XYLT1: variants seen among roughly 807,000 people sequenced by gnomAD.
XYLT1 encodes the protein xylosyltransferase 1, also known as beta-D-xylosyltransferase 1.
Under a neutral mutation model 91.3 loss-of-function variants are expected in XYLT1, and 36 were observed. The observed-to-expected ratio is 0.39, with a 90% CI of 0.30 to 0.52. The LOEUF (loss-of-function observed/expected upper bound fraction) is 0.52, where lower values mean the gene tolerates loss of function less well. Among genes scored for constraint, XYLT1 ranks in the 20% least tolerant of loss-of-function variants. XYLT1 has a pLI of 0.68. For missense variants in XYLT1, 1,242 were observed against 1,284.5 expected (o/e 0.97, Z 0.51); for synonymous variants, 588 against 532.0 (o/e 1.11, Z -1.45).
In XYLT1 at chr16:17,198,427, G is replaced by A. The variant is rs369385480; in HGVS notation, c.1087-13C>T. 12 of 1,612,578 alleles carry A rather than the reference G, an allele frequency of 7.4e-6. No individual in the cohort carries two copies. The highest frequency in any genetic ancestry group is 7.6e-6 in the Non-Finnish European group (9 of 1,179,218). ...GGTAATTAGAGCGCTTTTCCCAGGA[G>A]AGAAAGGGTGATGACAGTCAGTGGC... On this transcript the variant is annotated splice_polypyrimidine_tract_variant and intron_variant, in intron 4 of 11. Coordinates refer to ENST00000261381, the MANE Select transcript of XYLT1 (RefSeq NM_022166.4).
At chr16:17,118,025 G>A (rs773116379) in intron 10 of XYLT1, 46 bp from the exon 11 acceptor site, 25 of 1,562,168 alleles carry the variant, frequency 1.6e-5, no homozygotes, top group African/African-American at 4.1e-5. Flanking sequence ...CTGAACTAGG[G>A]GGCTAGGTCT....
chr16:17,276,041 G>A (rs370638220), intron 2 of XYLT1, among the ~76,000 whole-genome samples: 1 of 152,106 alleles, frequency 6.6e-6, no homozygotes, highest in Admixed American at 6.6e-5. Flanking sequence ...TCTGAAAGCC[G>A]GAACCATTTG....
At chr16:17,122,567 TG>T (rs1434344324) in intron 10 of XYLT1, among the ~76,000 whole-genome samples, 1 of 152,258 alleles carries the variant, frequency 6.6e-6, no homozygotes, top group African/African-American at 2.4e-5. Flanking sequence ...TTATTTCTTT[TG>T]CCTTGCAGAA....
chr16:17,268,754 C>T (rs1158591250), intron 2 of XYLT1, among the ~76,000 whole-genome samples: 1 of 151,300 alleles, frequency 6.6e-6, no homozygotes, highest in Non-Finnish European at 1.5e-5. Context: ...CTCACCGCAA[C>T]CTCCGCTTCC....
chr16:17,239,272 A>G (rs936826500), intron 3 of XYLT1, among the ~76,000 whole-genome samples: 4 of 149,450 alleles, frequency 2.7e-5, no homozygotes, highest in East Asian at 2.0e-4. Flanking sequence ...CACCCAGTCC[A>G]TCCATCCATG....
intron 9 of XYLT1, among the ~76,000 whole-genome samples, chr16:17,134,210 T>C (rs2030614957): frequency 6.6e-6 from 1 of 152,184 alleles, no homozygotes; most frequent in Non-Finnish European, 1.5e-5. Flanking sequence ...CCTTCTAAAG[T>C]ATATATATGT....
chr16:17,190,370 G>A (rs757833298), intron 5 of XYLT1, among the ~76,000 whole-genome samples: 4 of 151,972 alleles, frequency 2.6e-5, no homozygotes, highest in Non-Finnish European at 2.9e-5. Context: ...ATGTATACAT[G>A]TGCCATGTTG....
At chr16:17,338,572 G>A (rs887838203) in intron 2 of XYLT1, 16 of 450,442 alleles carry the variant, frequency 3.6e-5, no homozygotes, top group Non-Finnish European at 4.9e-5. Context: ...GTTCTCTGTC[G>A]GGAATGGTCT....
chr16:17,344,630 G>A (rs2035118390), intron 2 of XYLT1, among the ~76,000 whole-genome samples: 2 of 152,118 alleles, frequency 1.3e-5, no homozygotes, highest in African/African-American at 4.8e-5. Context: ...TGAGGCTGGA[G>A]GCAAAAGAAT....
intron 1 of XYLT1, among the ~76,000 whole-genome samples, chr16:17,412,165 C>A (rs2036117863): frequency 6.6e-6 from 1 of 152,074 alleles, no homozygotes; most frequent in Non-Finnish European, 1.5e-5. Context: ...CCCAAAATGG[C>A]CCCCAAAAAC....
intron 2 of XYLT1, among the ~76,000 whole-genome samples, chr16:17,303,758 T>A (rs887460702): frequency 5.3e-5 from 8 of 152,238 alleles, no homozygotes; most frequent in Admixed American, 2.0e-4. Context: ...CAGGTATGAT[T>A]AGTTGATCAA....
chr16:17,195,549 G>A (rs567734739), intron 5 of XYLT1, among the ~76,000 whole-genome samples: 4 of 152,000 alleles, frequency 2.6e-5, no homozygotes, highest in African/African-American at 9.7e-5. Flanking sequence ...GGGTTCAAGC[G>A]ATTCTCCTGC....
At chr16:17,258,341 G>T (rs1567344789) in intron 3 of XYLT1, among the ~76,000 whole-genome samples, 1 of 151,378 alleles carries the variant, frequency 6.6e-6, no homozygotes, top group East Asian at 1.9e-4. Context: ...AAGGAAATAG[G>T]AAAGAAGGAA....
intron 2 of XYLT1, among the ~76,000 whole-genome samples, chr16:17,328,859 A>T (rs907097982): frequency 2.0e-5 from 3 of 152,194 alleles, no homozygotes; most frequent in African/African-American, 7.2e-5. Flanking sequence ...AAATTCCTTA[A>T]AAGTAAAGCT....
intron 2 of XYLT1, among the ~76,000 whole-genome samples, chr16:17,307,749 C>G (rs12449260): frequency 0.19 from 28,579 of 152,048 alleles, 3,675 homozygotes; most frequent in African/African-American, 0.35. Flanking sequence ...GCTTCCATAC[C>G]CAGGGCCTTC....
At chr16:17,398,997 G>A (rs866890731) in intron 1 of XYLT1, among the ~76,000 whole-genome samples, 2 of 151,636 alleles carry the variant, frequency 1.3e-5, no homozygotes, top group Non-Finnish European at 1.5e-5. Context: ...GGTGCATGCC[G>A]CCACACCTGG....
At chr16:17,132,363 C>T (rs899109478) in intron 9 of XYLT1, among the ~76,000 whole-genome samples, 5 of 148,340 alleles carry the variant, frequency 3.4e-5, no homozygotes, top group African/African-American at 1.3e-4. Context: ...CCTTGGATGG[C>T]TTTGTTGACT....
intron 1 of XYLT1, among the ~76,000 whole-genome samples, chr16:17,414,761 C>G (rs941094991): frequency 3.9e-5 from 6 of 152,190 alleles, no homozygotes; most frequent in African/African-American, 1.4e-4. Context: ...CCTGCCACCA[C>G]CTCCTCACTG....
At chr16:17,306,790 ATTTTGAG>A (rs930239604) in intron 2 of XYLT1, among the ~76,000 whole-genome samples, 1 of 152,142 alleles carries the variant, frequency 6.6e-6, no homozygotes, top group Non-Finnish European at 1.5e-5. Flanking sequence ...CCCCTTGGGA[ATTTTGAG>A]TTTCCTAGTC....
Sources: gnomAD v4.1 joint callset for allele counts (sites outside exome capture counted in the v4.1 genomes callset) on GRCh38, gnomAD v4.1.1 for gene constraint, MANE v1.5 for transcripts, NCBI Gene and HGNC (gene_info 2026-07-23, HGNC 2026-07-21) for gene names.